SLX9: variants seen among roughly 807,000 people sequenced by gnomAD.
The protein encoded by SLX9 is SLX9 ribosome biogenesis factor.
A neutral mutation model predicts 20.8 loss-of-function variants in SLX9; 19 were observed. The ratio of observed to expected loss-of-function variants is 0.91; its 90% CI spans 0.64 to 1.34. The LOEUF (loss-of-function observed/expected upper bound fraction) is 1.34, where lower values mean the gene tolerates loss of function less well. Among genes scored for constraint, SLX9 ranks in the 40% most tolerant of loss-of-function variants. The pLI is 0.00. For missense variants in SLX9, 299 were observed against 322.2 expected (o/e 0.93, Z 0.55); for synonymous variants, 113 against 137.1 (o/e 0.82, Z 1.23).
chr21:44,953,957 G>A (rs1039959307), intron 2 of SLX9, among the ~76,000 whole-genome samples: 2 of 152,206 alleles, frequency 1.3e-5, no homozygotes, highest in Non-Finnish European at 2.9e-5. Context: ...GACGGCGGTG[G>A]TTCTGTCTCT....
intron 3 of SLX9, among the ~76,000 whole-genome samples, chr21:44,961,272 G>T (rs1291456631): frequency 6.6e-6 from 1 of 151,556 alleles, no homozygotes; most frequent in Non-Finnish European, 1.5e-5. Flanking sequence ...AGTCAATTTT[G>T]GCCACTCATA....
chr21:44,942,316 G>C (rs1357421961), intron 1 of SLX9, among the ~76,000 whole-genome samples: 2 of 152,192 alleles, frequency 1.3e-5, no homozygotes, highest in African/African-American at 4.8e-5. Flanking sequence ...AGGCTGCCCT[G>C]GTCTCCAGCA....
intron 2 of SLX9, chr21:44,959,339 G>A: frequency 1.1e-6 from 1 of 897,424 alleles, no homozygotes; most frequent in Non-Finnish European, 1.3e-6. Flanking sequence ...ATCAGTTAAG[G>A]CCGAGGAAAT....
chr21:44,971,778 G>T (rs904285392), intron 4 of SLX9, among the ~76,000 whole-genome samples: 7 of 152,212 alleles, frequency 4.6e-5, no homozygotes, highest in Non-Finnish European at 1.0e-4. Flanking sequence ...CTGCTGCTCA[G>T]GGGTGGACAC....
At chr21:44,954,794 C>T (rs766399045) in intron 2 of SLX9, among the ~76,000 whole-genome samples, 8 of 152,168 alleles carry the variant, frequency 5.3e-5, no homozygotes, top group South Asian at 4.1e-4. Flanking sequence ...CCCTGGATGG[C>T]GGTGCCTGGT....
chr21:44,968,943 C>CG (rs1348802585), intron 4 of SLX9, among the ~76,000 whole-genome samples: 1 of 152,122 alleles, frequency 6.6e-6, no homozygotes, highest in South Asian at 2.1e-4. Context: ...TTAGCGGAGA[C>CG]GGGGTTTCAC....
intron 2 of SLX9, among the ~76,000 whole-genome samples, chr21:44,951,073 T>A (rs1432678900): frequency 1.3e-5 from 2 of 152,076 alleles, no homozygotes; most frequent in Non-Finnish European, 2.9e-5. Flanking sequence ...CCGGTTTGAT[T>A]TAAAGGCCTT....
At chr21:44,969,172 G>A (rs1319921084) in intron 4 of SLX9, 2 of 470,750 alleles carry the variant, frequency 4.2e-6, no homozygotes, top group East Asian at 6.9e-5. Flanking sequence ...AGCTGCCCAG[G>A]CTCGAGGGTG....
intron 2 of SLX9, among the ~76,000 whole-genome samples, chr21:44,957,967 C>T (rs1022568657): frequency 2.6e-5 from 4 of 152,224 alleles, no homozygotes; most frequent in African/African-American, 7.2e-5. Context: ...CTGCCTAGAG[C>T]GGGAAGCCGA....
Position 44,943,771 on chromosome 21 carries a change from A to G in SLX9, c.217A>G (p.Ser73Gly). The change falls in exon 2 of 6, where the codon AGT becomes GGT. Residue 73 changes from serine (S) to glycine (G), a missense_variant. Transcript: ENST00000291634. ...GCAGAAGCTGGAGCTGGACGTGAGG[A>G]GTGTCACTTCCGTCAGGAGAGGTGA... ...LVQKLELDVR[S>G]VTSVRRGEAG... 1 of 1,614,174 alleles carries G rather than the reference A, an allele frequency of 6.2e-7. No individual in the cohort carries two copies. Among genetic ancestry groups the G allele is most frequent in the Non-Finnish European group, 8.5e-7 (1 of 1,180,032 alleles).
intron 2 of SLX9, among the ~76,000 whole-genome samples, chr21:44,952,825 G>A (rs2084783431): frequency 6.6e-6 from 1 of 152,226 alleles, no homozygotes; most frequent in Non-Finnish European, 1.5e-5. Context: ...GCTATTTAAG[G>A]TTCTTGACAT....
intron 2 of SLX9, among the ~76,000 whole-genome samples, 168 bp downstream of exon 2, chr21:44,944,005 G>T (rs563112746): frequency 6.6e-6 from 1 of 152,334 alleles, no homozygotes; most frequent in African/African-American, 2.4e-5. Flanking sequence ...GTAGATTACA[G>T]CTGTGGTTTT....
At chr21:44,975,627 G>T (rs527582384) in intron 5 of SLX9, among the ~76,000 whole-genome samples, 124 of 152,386 alleles carry the variant, frequency 8.1e-4, no homozygotes, top group African/African-American at 2.9e-3. Flanking sequence ...CGGCTCCTCA[G>T]TTGCCCCAGG....
chr21:44,946,496 G>C (rs1027283369), intron 2 of SLX9, among the ~76,000 whole-genome samples: 4 of 152,374 alleles, frequency 2.6e-5, no homozygotes, highest in Non-Finnish European at 5.9e-5. Flanking sequence ...CCTTGGCCTG[G>C]GGAGGCACTT....
intron 2 of SLX9, among the ~76,000 whole-genome samples, chr21:44,944,055 C>G (rs1344736645): frequency 2.0e-5 from 3 of 152,260 alleles, no homozygotes; most frequent in African/African-American, 2.4e-5. Context: ...TCTGCAAGAA[C>G]TGCTCTGCGT....
chr21:44,954,330 A>T (rs748500724), intron 2 of SLX9, among the ~76,000 whole-genome samples: 4 of 152,106 alleles, frequency 2.6e-5, no homozygotes, highest in African/African-American at 9.7e-5. Flanking sequence ...TGCCGTGCAC[A>T]GGCTGTCTCC....
intron 4 of SLX9, among the ~76,000 whole-genome samples, chr21:44,969,507 T>C (rs1412383228): frequency 1.3e-5 from 2 of 152,290 alleles, no homozygotes; most frequent in East Asian, 3.9e-4. Flanking sequence ...GAGCCTCCTG[T>C]CGCTGGGAGT....
chr21:44,968,753 C>CTTTTTTTT (rs35304604), intron 4 of SLX9, among the ~76,000 whole-genome samples: 2 of 132,948 alleles, frequency 1.5e-5, no homozygotes, highest in Non-Finnish European at 3.2e-5. Context: ...CATCTCTGTG[C>CTTTTTTTT]TTTTTTTTTT....
chr21:44,946,377 C>G (rs1043075822), intron 2 of SLX9, among the ~76,000 whole-genome samples: 1 of 152,210 alleles, frequency 6.6e-6, no homozygotes, highest in East Asian at 1.9e-4. Context: ...CCCGTTCTGG[C>G]GCTTCCTGCT....
Sources: allele counts gnomAD v4.1 joint callset (sites outside exome capture counted in the v4.1 genomes callset), GRCh38; gene constraint gnomAD v4.1.1; transcripts MANE v1.5; gene names NCBI Gene and HGNC (gene_info 2026-07-23, HGNC 2026-07-21).